The following C8orf34 variants were observed in gnomAD, a reference collection of about 807,000 sequenced individuals.
C8orf34 encodes chromosome 8 open reading frame 34.
A neutral mutation model predicts 68.3 loss-of-function variants in C8orf34; 65 were observed. The ratio of observed to expected loss-of-function variants is 0.95; its 90% CI spans 0.78 to 1.17. The LOEUF (loss-of-function observed/expected upper bound fraction) is 1.17, where lower values mean the gene tolerates loss of function less well. Among genes scored for constraint, C8orf34 ranks in the 50% most tolerant of loss-of-function variants. The pLI is 0.00. For synonymous variants in C8orf34, 244 were observed against 241.2 expected (o/e 1.01, Z -0.11); for missense variants, 664 against 655.4 (o/e 1.01, Z -0.14).
chr8:68,472,540 G>T (rs1261412680), intron 4 of C8orf34, among the ~76,000 whole-genome samples: 1 of 152,146 alleles, frequency 6.6e-6, no homozygotes, highest in African/African-American at 2.4e-5. Context: ...AGGAAAAGAT[G>T]CAACAAAAGT....
intron 8 of C8orf34, among the ~76,000 whole-genome samples, chr8:68,698,830 T>A (rs1482564255): frequency 6.6e-6 from 1 of 152,002 alleles, no homozygotes; most frequent in Admixed American, 6.6e-5. Flanking sequence ...GAAAATTTAG[T>A]GTTCAGCAAA....
chr8:68,454,261 C>A (rs965680352), intron 3 of C8orf34, among the ~76,000 whole-genome samples: 1 of 151,934 alleles, frequency 6.6e-6, no homozygotes, highest in African/African-American at 2.4e-5. Context: ...TGGTACTGGG[C>A]CAATGCTGGC....
intron 1 of C8orf34, among the ~76,000 whole-genome samples, chr8:68,354,792 G>T (rs903182161): frequency 6.6e-6 from 1 of 152,190 alleles, no homozygotes; most frequent in East Asian, 1.9e-4. Context: ...AAAGTAGATC[G>T]TAAAGTCTTG....
In C8orf34 at chr8:68,640,496, G is replaced by T; in HGVS notation, c.1226G>T (p.Cys409Phe). ...EPQAKVTLNI[C>F]SRCARLQGDN... The stretch of plus-strand genomic sequence containing the variant: ...CAGGCCAAGGTCACACTGAACATCT[G>T]TTCAAGGTGTGCCAGGTAAAAGACA... Residue 409 changes from cysteine to phenylalanine, a missense_variant, in exon 8 of 14, where the codon TGT becomes TTT. Cys to Phe is a radical substitution (Grantham distance 205, BLOSUM62 -2). Coordinates refer to ENST00000518698, the MANE Select transcript of C8orf34 (RefSeq NM_052958.4). The T allele has an allele frequency of 6.2e-7, 1 of 1,613,620 alleles. No individual in the cohort carries two copies. Among genetic ancestry groups the T allele is most frequent in the Non-Finnish European group, 8.5e-7 (1 of 1,179,772 alleles).
chr8:68,407,669 C>G (rs1372573169), intron 1 of C8orf34, among the ~76,000 whole-genome samples: 1 of 152,108 alleles, frequency 6.6e-6, no homozygotes, highest in African/African-American at 2.4e-5. Flanking sequence ...GCGTTGGCAA[C>G]TGAATTTATC....
chr8:68,588,801 C>A (rs115210152), intron 7 of C8orf34, among the ~76,000 whole-genome samples: 4 of 152,102 alleles, frequency 2.6e-5, no homozygotes, highest in Non-Finnish European at 5.9e-5. Flanking sequence ...TTCAGCAAGA[C>A]TAAAAGTTAG....
At chr8:68,585,875 A>T (rs1033119350) in intron 7 of C8orf34, among the ~76,000 whole-genome samples, 2 of 152,076 alleles carry the variant, frequency 1.3e-5, no homozygotes, top group African/African-American at 2.4e-5. Flanking sequence ...GGAGGCCACA[A>T]TGTCTTTTAT....
chr8:68,540,297 A>G (rs1055252161), intron 7 of C8orf34, among the ~76,000 whole-genome samples: 2 of 151,022 alleles, frequency 1.3e-5, no homozygotes, highest in African/African-American at 4.9e-5. Context: ...GTCTTATTTT[A>G]ATAAATGATG....
intron 11 of C8orf34, among the ~76,000 whole-genome samples, chr8:68,787,072 C>T (rs1020456789): frequency 6.6e-6 from 1 of 152,146 alleles, no homozygotes; most frequent in Admixed American, 6.6e-5. Flanking sequence ...TCTTCATTCT[C>T]ATTAAAGGGA....
intron 7 of C8orf34, among the ~76,000 whole-genome samples, chr8:68,597,655 A>T (rs1395288241): frequency 6.6e-6 from 1 of 152,028 alleles, no homozygotes; most frequent in Non-Finnish European, 1.5e-5. Context: ...TTGGCGACCA[A>T]GGAAGAACCC....
At chr8:68,632,141 G>C (rs752984538) in intron 7 of C8orf34, among the ~76,000 whole-genome samples, 2 of 152,162 alleles carry the variant, frequency 1.3e-5, no homozygotes, top group Non-Finnish European at 2.9e-5. Flanking sequence ...CCAAAATTCT[G>C]ATAGTGACAT....
intron 8 of C8orf34, among the ~76,000 whole-genome samples, chr8:68,649,829 A>T (rs1819290474): frequency 6.6e-6 from 1 of 152,124 alleles, no homozygotes; most frequent in South Asian, 2.1e-4. Context: ...CAGCTTGGCC[A>T]CTGTACAACG....
At chr8:68,638,744 T>G (rs1818919117) in intron 7 of C8orf34, among the ~76,000 whole-genome samples, 1 of 151,744 alleles carries the variant, frequency 6.6e-6, no homozygotes, top group Non-Finnish European at 1.5e-5. Flanking sequence ...ACGTACAATA[T>G]TTCTGCCATC....
chr8:68,606,405 C>A, intron 7 of C8orf34, among the ~76,000 whole-genome samples: 1 of 151,952 alleles, frequency 6.6e-6, no homozygotes, highest in Non-Finnish European at 1.5e-5. Context: ...TTAAGAAAAT[C>A]ATAAATGAAC....
chr8:68,625,645 C>T (rs761266402), intron 7 of C8orf34: 38 of 701,180 alleles, frequency 5.4e-5, no homozygotes, highest in African/African-American at 3.1e-4. Flanking sequence ...TGCATCTCAG[C>T]GGTGGGAAAG....
intron 4 of C8orf34, among the ~76,000 whole-genome samples, chr8:68,474,877 A>T (rs1427865840): frequency 6.6e-6 from 1 of 152,196 alleles, no homozygotes; most frequent in Non-Finnish European, 1.5e-5. Context: ...CTTGGTGCCC[A>T]GGAGAAGCAA....
intron 1 of C8orf34, among the ~76,000 whole-genome samples, chr8:68,425,491 A>T (rs1810169769): frequency 1.3e-5 from 2 of 151,932 alleles, no homozygotes; most frequent in Admixed American, 1.3e-4. Context: ...CTAGAAATAT[A>T]ATATAACTTA....
At chr8:68,526,816 T>G (rs1350790479) in intron 6 of C8orf34, among the ~76,000 whole-genome samples, 1 of 152,020 alleles carries the variant, frequency 6.6e-6, no homozygotes, top group Non-Finnish European at 1.5e-5. Flanking sequence ...TCAAACTAAA[T>G]GTTTACCAAC....
intron 10 of C8orf34, among the ~76,000 whole-genome samples, chr8:68,751,376 G>T (rs1439502320): frequency 1.3e-5 from 2 of 152,250 alleles, no homozygotes; most frequent in East Asian, 3.9e-4. Flanking sequence ...AGAGTTGACT[G>T]CCAGGACAGC....
Sources: gnomAD v4.1 joint callset for allele counts (sites outside exome capture counted in the v4.1 genomes callset) on GRCh38, gnomAD v4.1.1 for gene constraint, MANE v1.5 for transcripts, NCBI Gene and HGNC (gene_info 2026-07-23, HGNC 2026-07-21) for gene names.